DHRS4L2: variants seen among roughly 807,000 people sequenced by gnomAD.
DHRS4L2 encodes dehydrogenase/reductase SDR family member 4-like 2.
A neutral mutation model predicts 23.9 loss-of-function variants in DHRS4L2; 22 were observed. That is an observed-to-expected ratio of 0.92 (90% confidence interval 0.66 to 1.31). DHRS4L2 has a LOEUF of 1.31. DHRS4L2 is among the 40% of genes most tolerant of loss of function. The probability of loss-of-function intolerance (pLI) is 0.00; values close to 1 mark genes in which losing one functional copy is unlikely to be tolerated. For missense variants in DHRS4L2, 385 were observed against 303.3 expected, an observed-to-expected ratio of 1.27 and a Z score of -2.00; for synonymous variants, 141 against 123.7, an observed-to-expected ratio of 1.14 and a Z score of -0.93.
chr14:23,994,022 A>C lies in DHRS4L2; in HGVS notation c.307-1010A>C, dbSNP rs1438407432. ...TGTTCTTAGCTAGCCCCAGTGTGCC[A>C]CTACTGAAGTATAAGATCTTGAGAA... On this transcript the variant is annotated intron_variant, in intron 2 of 7. Transcript: ENST00000335125. Among the ~76,000 whole-genome samples the C allele has an allele frequency of 4.0e-5, 6 of 151,712 alleles. 1 individual carries two copies. The highest frequency in any genetic ancestry group is 2.0e-4 in the Admixed American group (3 of 15,248).
upstream of DHRS4L2, among the ~76,000 whole-genome samples, chr14:23,988,355 G>T (rs1345797959): frequency 6.8e-6 from 1 of 148,002 alleles, no homozygotes; most frequent in Non-Finnish European, 1.5e-5. Context: ...CCAAGGGCCC[G>T]TGAAGATGGA....
Position 23,990,370 on chromosome 14 carries a change from G to A in DHRS4L2, c.306+11G>A. The A allele has an allele frequency of 2.5e-6, 4 of 1,606,930 alleles. No homozygotes were observed. Among genetic ancestry groups the A allele is most frequent in the Non-Finnish European group, 3.4e-6 (4 of 1,176,646 alleles). ...CGGCTGGTGGCCATGGTGAGCTGCAGGGAAATGGGCACAGAGCCAGGAGGT... is the reference window on the plus strand; with the variant it reads ...CGGCTGGTGGCCATGGTGAGCTGCAAGGAAATGGGCACAGAGCCAGGAGGT... On this transcript the variant is annotated intron_variant, in intron 2 of 7. Coordinates refer to ENST00000335125, the MANE Select transcript of DHRS4L2 (RefSeq NM_198083.4).
At chr14:23,992,349 G>C (rs1248897160) in intron 2 of DHRS4L2, among the ~76,000 whole-genome samples, 1 of 151,574 alleles carries the variant, frequency 6.6e-6, no homozygotes, top group African/African-American at 2.4e-5. Context: ...GTGGGAAATA[G>C]AGAAGTCAAA....
chr14:23,988,665 G>T, upstream of DHRS4L2: 1 of 665,974 alleles, frequency 1.5e-6, no homozygotes, highest in African/African-American at 1.9e-5. Flanking sequence ...GCGGGTTCCT[G>T]CGGGGGCCAG....
upstream of DHRS4L2, among the ~76,000 whole-genome samples, chr14:23,984,435 G>A (rs1194009954): frequency 6.6e-6 from 1 of 151,578 alleles, no homozygotes; most frequent in Non-Finnish European, 1.5e-5. Context: ...TCATCAAAAT[G>A]AAGTGTAGCT....
At chr14:24,003,596 T>G (rs1245701269) in intron 6 of DHRS4L2, among the ~76,000 whole-genome samples, 31 of 2,048 alleles carry the variant, frequency 0.015, 1 homozygote, top group African/African-American at 0.077. Context: ...TTCACGATAT[T>G]GATTCTTCCT....
chr14:23,981,440 T>C (rs752195943), intron 1 of DHRS4L2, among the ~76,000 whole-genome samples: 2 of 151,522 alleles, frequency 1.3e-5, no homozygotes, highest in East Asian at 1.9e-4. Context: ...CTTCACAAAA[T>C]TGGAAAAAAC....
chr14:23,995,807 G>A (rs1321100578), intron 3 of DHRS4L2, among the ~76,000 whole-genome samples: 1 of 151,662 alleles, frequency 6.6e-6, no homozygotes, highest in African/African-American at 2.4e-5. Flanking sequence ...TGTTTATTAA[G>A]GTTAATATTC....
rs145827215 is a variant in DHRS4L2, at chr14:23,971,035, A to G, written c.-176+703A>G. Reference sequence around the variant, plus strand: ...ACCAAAGGTAGATAAAACCACAAAGATGGAGAGAAACCAGAGCAGAAATGC... The same window carrying G: ...ACCAAAGGTAGATAAAACCACAAAGGTGGAGAGAAACCAGAGCAGAAATGC... On this transcript the variant is annotated intron_variant, in intron 1 of 5. Coordinates refer to the DHRS4L2 transcript ENST00000534993. Among the ~76,000 whole-genome samples the G allele has an allele frequency of 3.9e-3, 595 of 152,224 alleles. 5 individuals are homozygous for G. Among genetic ancestry groups the G allele is most frequent in the Non-Finnish European group, 6.6e-3 (448 of 68,002 alleles).
chr14:23,976,503 G>A (rs925144810), intron 1 of DHRS4L2, among the ~76,000 whole-genome samples: 36 of 151,940 alleles, frequency 2.4e-4, no homozygotes, highest in African/African-American at 7.5e-4. Context: ...TAGACTGTTG[G>A]TGGGAGTGTA....
upstream of DHRS4L2, chr14:23,987,366 T>A (rs1355537997): frequency 5.0e-6 from 1 of 201,204 alleles, no homozygotes; most frequent in African/African-American, 2.4e-5. Context: ...CCTGACCCCG[T>A]GATCCGCCCG....
chr14:23,972,928 C>A (rs1053868434), intron 1 of DHRS4L2, among the ~76,000 whole-genome samples: 7 of 152,118 alleles, frequency 4.6e-5, no homozygotes, highest in African/African-American at 1.7e-4. Flanking sequence ...TCCACCCAAA[C>A]ATGTCGGTGG....
chr14:24,001,547 G>C, intron 6 of DHRS4L2, 30 bp downstream of exon 6: 1 of 1,597,524 alleles, frequency 6.3e-7, no homozygotes, highest in South Asian at 1.1e-5. Flanking sequence ...CATTTGACTG[G>C]GACCCCTTGA....
At chr14:23,994,288 TG>T (rs1287514163) in intron 2 of DHRS4L2, among the ~76,000 whole-genome samples, 1 of 151,628 alleles carries the variant, frequency 6.6e-6, no homozygotes, top group African/African-American at 2.4e-5. Context: ...AAATAGATTT[TG>T]GGGTGAGACT....
At chr14:24,001,295 C>T (rs1295198308) in intron 5 of DHRS4L2, 89 bp from the exon 6 acceptor site, 1 of 1,570,004 alleles carries the variant, frequency 6.4e-7, no homozygotes, top group Non-Finnish European at 8.6e-7. Flanking sequence ...TACAGGAGAT[C>T]CCTACTGAGC....
At chr14:23,983,046 TA>T (rs1304189160) in intron 1 of DHRS4L2, among the ~76,000 whole-genome samples, 1 of 151,246 alleles carries the variant, frequency 6.6e-6, no homozygotes, top group Non-Finnish European at 1.5e-5. Context: ...CTGATTAAAC[TA>T]AAGAGCTTCA....
In DHRS4L2 at chr14:23,995,033, C is replaced by T; in HGVS notation, c.308C>T (p.Ala103Val). ...TCCAGACCTTACCCCTCTCTCTAGG[C>T]TGTGAAGCTTCATGGAGGTATCGAT... ...AEDRERLVAM[A>V]VKLHGGIDIL... Residue 103 changes from alanine (A) to valine (V), a missense_variant and splice_region_variant, in exon 3 of 8, where the codon GCT becomes GTT. Transcript: ENST00000335125. 6.2e-7 allele frequency: 1 copy of T among 1,612,864 alleles called. No individual in the cohort carries two copies. Among genetic ancestry groups the T allele is most frequent in the Non-Finnish European group, 8.5e-7 (1 of 1,179,406 alleles).
chr14:23,973,075 G>A (rs2138503357), intron 1 of DHRS4L2, among the ~76,000 whole-genome samples: 1 of 151,978 alleles, frequency 6.6e-6, no homozygotes, highest in East Asian at 1.9e-4. Flanking sequence ...GGGCAGGCAG[G>A]AGACAGTGGC....
rs115748613 is a variant in DHRS4L2 at position 23,991,257 on chromosome 14, G to T, written c.306+898G>T. 5.7e-3 allele frequency among the ~76,000 whole-genome samples: 858 copies of T among 151,776 alleles called. 15 individuals carry two copies. The highest frequency in any genetic ancestry group is 0.02 in the African/African-American group (825 of 41,420). ...AATTCCATTTTTAAGGAACAGTCTG[G>T]CAGACACTCAAATGTGCATTGGAAA... On this transcript the variant is annotated intron_variant, in intron 2 of 7. Coordinates refer to ENST00000335125, the MANE Select transcript of DHRS4L2 (RefSeq NM_198083.4).
Sources: gnomAD v4.1 joint callset for allele counts (sites outside exome capture counted in the v4.1 genomes callset) on GRCh38, gnomAD v4.1.1 for gene constraint, MANE v1.5 for transcripts, NCBI Gene and HGNC (gene_info 2026-07-23, HGNC 2026-07-21) for gene names.